Variants in PALM2AKAP2 observed in about 807,000 individuals in gnomAD.
PALM2AKAP2 encodes PALM2 and AKAP2 fusion.
A neutral mutation model predicts 71.5 loss-of-function variants in PALM2AKAP2; 37 were observed. That is an observed-to-expected ratio of 0.52 (90% CI 0.40 to 0.68). The LOEUF is 0.68. PALM2AKAP2 is among the 30% of genes least tolerant of loss of function. The pLI is 0.00. For synonymous variants in PALM2AKAP2, 468 were observed against 478.8 expected (o/e 0.98, Z 0.29); for missense variants, 1,224 against 1,191.8 (o/e 1.03, Z -0.40).
chr9:110,076,470 T>C (rs1834323137), intron 1 of PALM2AKAP2, among the ~76,000 whole-genome samples: 1 of 137,336 alleles, frequency 7.3e-6, no homozygotes. Context: ...TGAGGATATA[T>C]AGGTATATCA....
chr9:109,801,234 C>G (rs531099310), intron 1 of PALM2AKAP2, among the ~76,000 whole-genome samples: 1 of 152,288 alleles, frequency 6.6e-6, no homozygotes, highest in African/African-American at 2.4e-5. Context: ...TAAAAGCAAA[C>G]TCAGACAAGA....
intron 1 of PALM2AKAP2, among the ~76,000 whole-genome samples, chr9:109,670,198 C>G (rs923742092): frequency 2.0e-5 from 3 of 152,020 alleles, no homozygotes; most frequent in African/African-American, 7.2e-5. Context: ...GTTTGTTGTA[C>G]AGATTATTTC....
At chr9:109,876,330 G>A (rs1829720875) in intron 2 of PALM2AKAP2, among the ~76,000 whole-genome samples, 1 of 152,106 alleles carries the variant, frequency 6.6e-6, no homozygotes. Flanking sequence ...AGTTAAGGAA[G>A]CCTTTTGAAT....
intron 1 of PALM2AKAP2, among the ~76,000 whole-genome samples, chr9:109,763,138 G>A (rs982946241): frequency 1.3e-5 from 2 of 152,154 alleles, no homozygotes; most frequent in African/African-American, 4.8e-5. Context: ...GGGCTAGAGA[G>A]TTGGACAGGT....
intron 3 of PALM2AKAP2, among the ~76,000 whole-genome samples, chr9:109,892,638 C>T (rs1245701088): frequency 6.6e-6 from 1 of 152,044 alleles, no homozygotes; most frequent in Non-Finnish European, 1.5e-5. Context: ...CATTTATATC[C>T]AGAGATGGTA....
chr9:109,868,483 C>G (rs1200572152), intron 2 of PALM2AKAP2, among the ~76,000 whole-genome samples: 1 of 152,082 alleles, frequency 6.6e-6, no homozygotes, highest in Non-Finnish European at 1.5e-5. Context: ...GCTCAGAGGA[C>G]TGGGTGGGAA....
At chr9:109,711,584 C>T (rs1470061849) in intron 1 of PALM2AKAP2, among the ~76,000 whole-genome samples, 1 of 152,218 alleles carries the variant, frequency 6.6e-6, no homozygotes, top group African/African-American at 2.4e-5. Context: ...GGCCCCAAGG[C>T]TGGTCCTGAG....
chr9:110,059,976 A>G (rs948312657), intron 1 of PALM2AKAP2, among the ~76,000 whole-genome samples: 1 of 152,214 alleles, frequency 6.6e-6, no homozygotes, highest in East Asian at 1.9e-4. Context: ...AAAATATATC[A>G]GTCTTAAAGG....
chr9:110,032,810 C>T lies in PALM2AKAP2; in HGVS notation c.582+16771C>T, dbSNP rs973599698. Among the ~76,000 whole-genome samples the T allele has an allele frequency of 4.0e-5, 6 of 151,402 alleles. 1 individual carries two copies. Among genetic ancestry groups the T allele is most frequent in the South Asian group, 4.2e-4 (2 of 4,760 alleles). ...AAACAAACTAGCCAGGTGTGGTGTG[C>T]GCATGTCGTCTCAGCTACTCAGGAG... On this transcript the variant is annotated intron_variant, in intron 7 of 9. Coordinates refer to the PALM2AKAP2 transcript ENST00000302798.
At chr9:110,138,248 A>T in exon 2 of PALM2AKAP2, 1 of 1,614,176 alleles carries the variant, frequency 6.2e-7, no homozygotes, top group Non-Finnish European at 8.5e-7. Flanking sequence ...CCCGATTAAC[A>T]TGGAGGAGAC....
In PALM2AKAP2 at chr9:109,682,587, G is replaced by A. The variant is rs142631747; in HGVS notation, c.5+41721G>A. Among the ~76,000 whole-genome samples, 121 of 152,294 alleles carry A rather than the reference G, an allele frequency of 7.9e-4. 1 individual carries two copies. Among genetic ancestry groups the A allele is most frequent in the South Asian group, 7.7e-3 (37 of 4,816 alleles). ...TTTGACGACTTACTACTAGACCTGG[G>A]ATGGGACTCAGGCCCACACATTTGT... is the stretch of plus-strand genomic sequence containing the variant. On this transcript the variant is annotated intron_variant, in intron 1 of 6. Coordinates refer to the PALM2AKAP2 transcript ENST00000374531.
chr9:109,694,065 A>T (rs1009072705), intron 1 of PALM2AKAP2, among the ~76,000 whole-genome samples: 1 of 151,882 alleles, frequency 6.6e-6, no homozygotes, highest in Non-Finnish European at 1.5e-5. Context: ...TGGAATGTAT[A>T]CTCTGTGAGG....
At chr9:110,096,956 AT>A (rs1286100584) in intron 1 of PALM2AKAP2, among the ~76,000 whole-genome samples, 4,228 of 120,042 alleles carry the variant, frequency 0.035, 187 homozygotes, top group African/African-American at 0.13. Flanking sequence ...TTATTTATTT[AT>A]TTATTATTTT....
chr9:109,915,685 A>G (rs898444179), intron 3 of PALM2AKAP2, among the ~76,000 whole-genome samples: 2 of 152,198 alleles, frequency 1.3e-5, no homozygotes, highest in African/African-American at 4.8e-5. Flanking sequence ...AACAGTTCCA[A>G]GCACACAGTA....
chr9:109,755,201 T>C (rs1437882519), intron 1 of PALM2AKAP2, among the ~76,000 whole-genome samples: 1 of 152,068 alleles, frequency 6.6e-6, no homozygotes, highest in East Asian at 1.9e-4. Flanking sequence ...AACCAGAAAA[T>C]GCCACTTCCC....
chr9:110,012,658 T>C (rs2132327040), intron 6 of PALM2AKAP2, among the ~76,000 whole-genome samples: 1 of 152,378 alleles, frequency 6.6e-6, no homozygotes, highest in Non-Finnish European at 1.5e-5. Context: ...GTCTGTTTTC[T>C]CTCACTCTTG....
intron 1 of PALM2AKAP2, among the ~76,000 whole-genome samples, chr9:109,822,999 T>C (rs932622795): frequency 3.3e-5 from 5 of 152,212 alleles, no homozygotes; most frequent in African/African-American, 1.2e-4. Context: ...TCCTCTGCTT[T>C]CTGGTCCATG....
At chr9:109,821,174 A>T (rs1019378728) in intron 1 of PALM2AKAP2, among the ~76,000 whole-genome samples, 3 of 152,198 alleles carry the variant, frequency 2.0e-5, no homozygotes, top group African/African-American at 7.2e-5. Context: ...GACCAGGTGC[A>T]ACCCACAGCA....
At chr9:109,931,820 C>T (rs2131996561) in intron 5 of PALM2AKAP2, 107 bp from the exon 6 acceptor site, 1 of 1,249,204 alleles carries the variant, frequency 8.0e-7, no homozygotes, top group Non-Finnish European at 1.1e-6. Context: ...GTTCAGTGGC[C>T]GCCTCAGCGG....
Sources: gnomAD v4.1 joint callset for allele counts (sites outside exome capture counted in the v4.1 genomes callset) on GRCh38, gnomAD v4.1.1 for gene constraint, MANE v1.5 for transcripts, NCBI Gene and HGNC (gene_info 2026-07-23, HGNC 2026-07-21) for gene names.